Variants in LRMDA observed in about 807,000 individuals in gnomAD.
The protein encoded by LRMDA is leucine-rich melanocyte differentiation-associated protein.
Under a neutral mutation model 29.8 loss-of-function variants are expected in LRMDA, and 18 were observed. The ratio of observed to expected loss-of-function variants is 0.60; its 90% confidence interval spans 0.42 to 0.90. The LOEUF (loss-of-function observed/expected upper bound fraction) is 0.90. LRMDA is among the 40% of genes least tolerant of loss of function. LRMDA has a pLI of 0.00. For synonymous variants in LRMDA, 125 were observed against 109.4 expected, an observed-to-expected ratio of 1.14 and a Z score of -0.89; for missense variants, 273 against 273.9, an observed-to-expected ratio of 1.00 and a Z score of 0.02.
intron 2 of LRMDA, among the ~76,000 whole-genome samples, chr10:75,502,784 G>A (rs1278452105): frequency 1.3e-5 from 2 of 152,028 alleles, no homozygotes; most frequent in East Asian, 1.9e-4. Flanking sequence ...TGGGGTACAC[G>A]TGCAGGTTTG....
intron 2 of LRMDA, among the ~76,000 whole-genome samples, chr10:75,857,137 G>T (rs1413822725): frequency 6.6e-6 from 1 of 152,176 alleles, no homozygotes; most frequent in African/African-American, 2.4e-5. Flanking sequence ...AATGGGGATC[G>T]ATCATTGCAC....
chr10:76,201,650 A>G (rs911008769), intron 5 of LRMDA, among the ~76,000 whole-genome samples: 3 of 152,112 alleles, frequency 2.0e-5, no homozygotes, highest in Non-Finnish European at 2.9e-5. Context: ...TACATTTTTC[A>G]TGATTTGCTG....
intron 5 of LRMDA, among the ~76,000 whole-genome samples, chr10:76,287,453 T>G (rs1465024534): frequency 6.6e-6 from 1 of 152,126 alleles, no homozygotes; most frequent in Non-Finnish European, 1.5e-5. Flanking sequence ...CTATTCATTA[T>G]TGGTTTATTT....
At chr10:75,577,267 A>G (rs2132074129) in intron 2 of LRMDA, among the ~76,000 whole-genome samples, 1 of 152,324 alleles carries the variant, frequency 6.6e-6, no homozygotes, top group African/African-American at 2.4e-5. Flanking sequence ...AGCCGAATCA[A>G]TCAAGTGGAA....
At chr10:76,143,031 T>C (rs1850236184) in intron 5 of LRMDA, among the ~76,000 whole-genome samples, 1 of 152,228 alleles carries the variant, frequency 6.6e-6, no homozygotes, top group Non-Finnish European at 1.5e-5. Context: ...GCATCATTTT[T>C]TATGGCTGCA....
At chr10:75,511,365 T>C (rs1259179588) in intron 2 of LRMDA, among the ~76,000 whole-genome samples, 1 of 152,006 alleles carries the variant, frequency 6.6e-6, no homozygotes, top group Non-Finnish European at 1.5e-5. Context: ...AAGAGAATAT[T>C]GGAGGAGTGG....
chr10:75,982,654 T>C (rs910265203), intron 2 of LRMDA, among the ~76,000 whole-genome samples: 4 of 152,346 alleles, frequency 2.6e-5, no homozygotes, highest in African/African-American at 9.6e-5. Context: ...AGTGGTGACC[T>C]AGGACTCATC....
At chr10:76,489,958 G>C (rs1589213151) in intron 6 of LRMDA, among the ~76,000 whole-genome samples, 1 of 151,768 alleles carries the variant, frequency 6.6e-6, no homozygotes, top group Non-Finnish European at 1.5e-5. Flanking sequence ...CTGTGAGTCA[G>C]TTAAACCTCT....
In LRMDA at chr10:75,806,822, A is replaced by C. The variant is rs11001502; in HGVS notation, c.132-229186A>C. ...CACTGGAAATTGCAAAAAAAAAAAA[A>C]AAAAACCACACACAAAAAAACCTAC... is the stretch of plus-strand genomic sequence containing the variant. On this transcript the variant is annotated intron_variant, in intron 2 of 6. Coordinates refer to ENST00000611255, the MANE Select transcript of LRMDA (RefSeq NM_001305581.2). Among the ~76,000 whole-genome samples, 68 of 147,652 alleles carry C rather than the reference A, an allele frequency of 4.6e-4. 1 individual carries two copies. In the South Asian group the frequency reaches 5.3e-3, roughly 12 times the overall value.
At chr10:76,278,420 A>G (rs12573059) in intron 5 of LRMDA, among the ~76,000 whole-genome samples, 5,463 of 152,250 alleles carry the variant, frequency 0.036, 270 homozygotes, top group African/African-American at 0.11. Flanking sequence ...CGCATGTAAA[A>G]CTGTGATATT....
intron 2 of LRMDA, among the ~76,000 whole-genome samples, chr10:76,024,340 G>A (rs1041973981): frequency 6.6e-6 from 1 of 152,186 alleles, no homozygotes; most frequent in Admixed American, 6.5e-5. Context: ...AACATTGTTA[G>A]GTGCTAGTAC....
chr10:75,854,928 T>C (rs1844798533), intron 2 of LRMDA, among the ~76,000 whole-genome samples: 1 of 152,218 alleles, frequency 6.6e-6, no homozygotes, highest in Non-Finnish European at 1.5e-5. Flanking sequence ...TAGTATTCCA[T>C]GGAGTATATG....
At chr10:75,600,569 G>A (rs1840870148) in intron 2 of LRMDA, among the ~76,000 whole-genome samples, 5 of 152,180 alleles carry the variant, frequency 3.3e-5, no homozygotes, top group Admixed American at 3.3e-4. Flanking sequence ...GAAGAAAGAG[G>A]TCATGAGCAG....
chr10:76,198,190 G>A (rs1034707275), intron 5 of LRMDA, among the ~76,000 whole-genome samples: 3 of 152,170 alleles, frequency 2.0e-5, no homozygotes, highest in Admixed American at 6.5e-5. Context: ...GAATGCTTTG[G>A]TTGTCATCTG....
chr10:75,726,102 G>C (rs1359858640), intron 2 of LRMDA, among the ~76,000 whole-genome samples: 7 of 152,184 alleles, frequency 4.6e-5, no homozygotes, highest in African/African-American at 1.7e-4. Flanking sequence ...CTTCAGAGGG[G>C]AGTTAATCAC....
chr10:76,443,914 A>G (rs1842328403), intron 6 of LRMDA, among the ~76,000 whole-genome samples: 1 of 152,150 alleles, frequency 6.6e-6, no homozygotes, highest in Non-Finnish European at 1.5e-5. Flanking sequence ...TTTATTAAGC[A>G]CCTTTCTAAG....
chr10:76,405,977 G>A (rs1043915944), intron 6 of LRMDA, among the ~76,000 whole-genome samples: 4 of 151,994 alleles, frequency 2.6e-5, no homozygotes, highest in African/African-American at 9.7e-5. Context: ...ATTTTATCAG[G>A]CAGTCTGAAA....
chr10:75,479,420 T>A (rs191522482), intron 2 of LRMDA, among the ~76,000 whole-genome samples: 15 of 150,498 alleles, frequency 1.0e-4, no homozygotes, highest in Non-Finnish European at 2.2e-4. Context: ...GGCAGGATAA[T>A]GGCATGAACC....
chr10:75,637,381 A>C (rs1160204556), intron 2 of LRMDA, among the ~76,000 whole-genome samples: 1 of 152,184 alleles, frequency 6.6e-6, no homozygotes, highest in Non-Finnish European at 1.5e-5. Context: ...CATACATAGA[A>C]AAATGGAGGC....
Sources: gnomAD v4.1 joint callset for allele counts (sites outside exome capture counted in the v4.1 genomes callset) on GRCh38, gnomAD v4.1.1 for gene constraint, MANE v1.5 for transcripts, NCBI Gene and HGNC (gene_info 2026-07-23, HGNC 2026-07-21) for gene names.